Variants in CDH22 observed in about 807,000 individuals in gnomAD.
CDH22 encodes the protein cadherin 22.
Under a neutral mutation model 58.4 loss-of-function variants are expected in CDH22, and 30 were observed. That is an observed-to-expected ratio of 0.51 (90% CI 0.38 to 0.70). The LOEUF is 0.70. Ranked by LOEUF, CDH22 falls within the 30% of genes least tolerant of loss-of-function variation. The pLI is 0.00. For synonymous variants in CDH22, 513 were observed against 558.2 expected (o/e 0.92, Z 1.14); for missense variants, 1,014 against 1,233.9 (o/e 0.82, Z 2.67).
intron 1 of CDH22, among the ~76,000 whole-genome samples, chr20:46,288,570 C>G (rs1432247883): frequency 6.6e-6 from 1 of 152,182 alleles, no homozygotes; most frequent in Admixed American, 6.5e-5. Flanking sequence ...CTTCAAAACC[C>G]TCATGTCTGA....
chr20:46,269,869 C>T (rs1428530128), intron 1 of CDH22, among the ~76,000 whole-genome samples: 1 of 152,222 alleles, frequency 6.6e-6, no homozygotes, highest in Admixed American at 6.5e-5. Context: ...CTTCTTCCTA[C>T]TGGACTGCAA....
intron 1 of CDH22, among the ~76,000 whole-genome samples, chr20:46,255,091 G>A (rs965372561): frequency 4.6e-5 from 7 of 151,880 alleles, no homozygotes; most frequent in East Asian, 1.9e-4. Flanking sequence ...GCGTGATTTC[G>A]GCTCCCTGCA....
intron 1 of CDH22, among the ~76,000 whole-genome samples, chr20:46,294,083 G>A (rs2086618233): frequency 6.6e-6 from 1 of 152,180 alleles, no homozygotes; most frequent in Admixed American, 6.5e-5. Flanking sequence ...TAAAATGGGG[G>A]TAGGGGTAGG....
At chr20:46,264,710 C>G (rs1016401308) in intron 1 of CDH22, among the ~76,000 whole-genome samples, 3 of 152,142 alleles carry the variant, frequency 2.0e-5, no homozygotes, top group African/African-American at 7.2e-5. Flanking sequence ...TGGCTCTCAG[C>G]ATGAACCATG....
chr20:46,264,872 GCA>G (rs112624382), intron 1 of CDH22, among the ~76,000 whole-genome samples: 11 of 147,508 alleles, frequency 7.5e-5, no homozygotes, highest in Non-Finnish European at 1.1e-4. Flanking sequence ...CACACCGTGC[GCA>G]CACACACACA....
intron 7 of CDH22, among the ~76,000 whole-genome samples, chr20:46,204,177 G>A (rs1434068512): frequency 6.6e-6 from 1 of 151,896 alleles, no homozygotes; most frequent in Non-Finnish European, 1.5e-5. Flanking sequence ...GGAGGATCAC[G>A]AGGTCAGGAG....
intron 1 of CDH22, among the ~76,000 whole-genome samples, chr20:46,288,584 C>T (rs1056246003): frequency 3.5e-4 from 54 of 152,166 alleles, no homozygotes; most frequent in Non-Finnish European, 5.3e-4. Flanking sequence ...TGTCTGAACC[C>T]GGACTCCTGA....
At chr20:46,275,088 T>G (rs1421065628) in intron 1 of CDH22, among the ~76,000 whole-genome samples, 1 of 152,190 alleles carries the variant, frequency 6.6e-6, no homozygotes, top group Non-Finnish European at 1.5e-5. Flanking sequence ...TTAGAGCATG[T>G]AAATTATACC....
intron 2 of CDH22, among the ~76,000 whole-genome samples, chr20:46,244,893 C>G (rs550529294): frequency 6.6e-6 from 1 of 152,282 alleles, no homozygotes; most frequent in South Asian, 2.1e-4. Flanking sequence ...AACTACAAAT[C>G]AGGAAAGATT....
chr20:46,212,984 G>A lies in CDH22; in HGVS notation c.1032+11C>T, dbSNP rs2086054915. ...GGCCTGCCTCCCCCATTCCTCCTGA[G>A]GCAGCTGCACCTTCTGCACTACGAT... On this transcript the variant is annotated intron_variant, in intron 6 of 11. Transcript: ENST00000537909. The A allele has an allele frequency of 1.2e-6, 2 of 1,612,588 alleles. No individual in the cohort carries two copies. The highest frequency in any genetic ancestry group is 1.7e-6 in the Non-Finnish European group (2 of 1,178,914).
chr20:46,178,298 C>T, intron 10 of CDH22, 101 bp from the exon 11 acceptor site: 2 of 1,323,658 alleles, frequency 1.5e-6, no homozygotes, highest in Non-Finnish European at 2.1e-6. Flanking sequence ...CTCCCTATGC[C>T]CCAAACTACA....
At chr20:46,178,487 T>G (rs1383694965) in intron 10 of CDH22, among the ~76,000 whole-genome samples, 1 of 152,066 alleles carries the variant, frequency 6.6e-6, no homozygotes, top group Non-Finnish European at 1.5e-5. Context: ...AAGATTCTGT[T>G]TTCAGCTATT....
At chr20:46,297,235 A>C (rs2086632797) in intron 1 of CDH22, among the ~76,000 whole-genome samples, 1 of 151,962 alleles carries the variant, frequency 6.6e-6, no homozygotes, top group Admixed American at 6.6e-5. Flanking sequence ...GGGCTCTGTG[A>C]GTAGGGATGC....
intron 1 of CDH22, among the ~76,000 whole-genome samples, chr20:46,295,504 C>T (rs1342235213): frequency 1.3e-5 from 2 of 152,200 alleles, no homozygotes; most frequent in African/African-American, 4.8e-5. Flanking sequence ...TCACCACAAG[C>T]CTGTAACGCA....
intron 4 of CDH22, among the ~76,000 whole-genome samples, chr20:46,219,055 C>T (rs975652991): frequency 7.9e-5 from 12 of 152,144 alleles, no homozygotes; most frequent in Admixed American, 5.9e-4. Flanking sequence ...GGCTGTAGGG[C>T]GTGTGTGTAT....
At chr20:46,199,244 G>T (rs1214118121) in intron 8 of CDH22, among the ~76,000 whole-genome samples, 179 bp downstream of exon 8, 1 of 152,210 alleles carries the variant, frequency 6.6e-6, no homozygotes, top group African/African-American at 2.4e-5. Context: ...CGCCTTCACC[G>T]CTGTGAGATC....
intron 7 of CDH22, among the ~76,000 whole-genome samples, chr20:46,206,365 T>C (rs1285268613): frequency 6.6e-6 from 1 of 152,218 alleles, no homozygotes; most frequent in Admixed American, 6.5e-5. Context: ...GAAGGGTAAA[T>C]GTAGTAACAT....
In CDH22 at chr20:46,300,763, G is replaced by A. The variant is rs1242656589; in HGVS notation, c.-400+7492C>T. Among the ~76,000 whole-genome samples, 1 of 152,164 alleles carries A rather than the reference G, an allele frequency of 6.6e-6. No homozygotes were observed. The highest frequency in any genetic ancestry group is 1.5e-5 in the Non-Finnish European group (1 of 68,022). On this transcript the variant is annotated intron_variant, in intron 1 of 11. Transcript: ENST00000537909. The surrounding 1 kb of genome is among the most constrained non-coding windows in gnomAD (Gnocchi z 4.4). ...CTTCTACTTGAGGAATCTGGTGAGC[G>A]CCACACGACTCCTGCCAAAAACGTC...
intron 10 of CDH22, among the ~76,000 whole-genome samples, chr20:46,179,938 G>T (rs903937797): frequency 6.7e-6 from 1 of 149,784 alleles, no homozygotes; most frequent in Non-Finnish European, 1.5e-5. Context: ...TCACCTTCTT[G>T]CCTGGGCAAA....
Sources: gnomAD v4.1 joint callset for allele counts (sites outside exome capture counted in the v4.1 genomes callset) on GRCh38, gnomAD v4.1.1 for gene constraint, Gnocchi (gnomAD v3.1) non-coding constraint, MANE v1.5 for transcripts, NCBI Gene and HGNC (gene_info 2026-07-23, HGNC 2026-07-21) for gene names.